The following DTNB variants were observed in gnomAD, a reference collection of about 807,000 sequenced individuals.
DTNB encodes dystrobrevin beta, also known as DTN-B.
Under a neutral mutation model 90.7 loss-of-function variants are expected in DTNB, and 63 were observed. The observed-to-expected ratio is 0.69, with a 90% CI of 0.57 to 0.86. DTNB has a LOEUF of 0.86. Ranked by LOEUF, DTNB falls within the 40% of genes least tolerant of loss-of-function variation. The probability of loss-of-function intolerance (pLI) is 0.00; values close to 1 mark genes in which losing one functional copy is unlikely to be tolerated. For synonymous variants in DTNB, 277 were observed against 286.7 expected (o/e 0.97, Z 0.34); for missense variants, 744 against 807.1 (o/e 0.92, Z 0.95).
chr2:25,519,367 CTT>C (rs1197635484), intron 9 of DTNB, among the ~76,000 whole-genome samples: 37 of 126,438 alleles, frequency 2.9e-4, no homozygotes, highest in Non-Finnish European at 3.4e-4. Flanking sequence ...CCTGTTTCTA[CTT>C]TTTTTTTTTT....
chr2:25,604,399 T>TCTC (rs1559199926), intron 5 of DTNB, among the ~76,000 whole-genome samples: 3 of 149,162 alleles, frequency 2.0e-5, no homozygotes, highest in South Asian at 4.3e-4. Flanking sequence ...TCTCCCTTCT[T>TCTC]TCTCTCTCTC....
At chr2:25,650,363 T>A (rs142365171) in intron 2 of DTNB, 54 of 486,136 alleles carry the variant, frequency 1.1e-4, no homozygotes, top group Non-Finnish European at 1.4e-4. Context: ...CCTCAATAAA[T>A]GCACTAAAAG....
intron 2 of DTNB, among the ~76,000 whole-genome samples, chr2:25,647,377 A>G (rs1156810864): frequency 3.3e-5 from 5 of 152,224 alleles, no homozygotes; most frequent in Non-Finnish European, 5.9e-5. Context: ...AAGGACAAAA[A>G]AGATTTTAAT....
At chr2:25,411,419 T>C (rs1032732781) in intron 16 of DTNB, among the ~76,000 whole-genome samples, 2 of 152,106 alleles carry the variant, frequency 1.3e-5, no homozygotes, top group African/African-American at 4.8e-5. Flanking sequence ...ATATTTCCTC[T>C]TTTTGGAAAA....
At chr2:25,448,715 G>A (rs1307620230) in intron 12 of DTNB, among the ~76,000 whole-genome samples, 2 of 151,928 alleles carry the variant, frequency 1.3e-5, no homozygotes. Context: ...TTAGCCGGGC[G>A]TGGTGGCGGG....
intron 8 of DTNB, among the ~76,000 whole-genome samples, chr2:25,556,212 CATGATACTCT>C (rs1330859414): frequency 7.1e-6 from 1 of 141,042 alleles, no homozygotes; most frequent in African/African-American, 2.7e-5. Context: ...ATAACGCTGC[CATGATACTCT>C]ATGATACTCT....
intron 2 of DTNB, chr2:25,649,972 T>G: frequency 1.0e-6 from 1 of 975,002 alleles, no homozygotes; most frequent in Non-Finnish European, 1.2e-6. Context: ...TAGTCACCCA[T>G]GCAATTCTTC....
intron 14 of DTNB, among the ~76,000 whole-genome samples, chr2:25,431,749 G>A (rs973466585): frequency 4.6e-5 from 7 of 151,958 alleles, no homozygotes; most frequent in East Asian, 3.9e-4. Flanking sequence ...TGCATCTTAC[G>A]CCAACAGCCT....
At chr2:25,548,177 CTTCT>C (rs1328684095) in intron 8 of DTNB, among the ~76,000 whole-genome samples, 1 of 151,982 alleles carries the variant, frequency 6.6e-6, no homozygotes, top group Non-Finnish European at 1.5e-5. Flanking sequence ...TTTATCAGTA[CTTCT>C]TTCAGTTTCA....
At chr2:25,521,934 G>A (rs553893205) in intron 9 of DTNB, among the ~76,000 whole-genome samples, 1 of 152,056 alleles carries the variant, frequency 6.6e-6, no homozygotes, top group South Asian at 2.1e-4. Context: ...GCCAACACGT[G>A]AAGTTTTGCT....
Position 25,387,426 on chromosome 2 carries a change from A to G in DTNB, c.1736-48T>C, listed in dbSNP as rs768355311. The G allele has an allele frequency of 2.5e-6, 4 of 1,571,994 alleles. No individual in the cohort carries two copies. In the African/African-American group the frequency reaches 5.4e-5, roughly 21 times the overall value. On this transcript the variant is annotated intron_variant, in intron 17 of 20. Transcript: ENST00000406818. This position sits in a 1 kb window ranked among gnomAD's most constrained non-coding sequence, Gnocchi z 4.5. ...GGGATGCCAGGGTGGGTGAGCGTGG[A>G]GAAGAGACGGCTGAGCAAATGCCTC... is the stretch of plus-strand genomic sequence containing the variant.
chr2:25,670,868 T>C (rs1340635032), intron 1 of DTNB, among the ~76,000 whole-genome samples: 1 of 152,204 alleles, frequency 6.6e-6, no homozygotes, highest in Non-Finnish European at 1.5e-5. Context: ...CCATTCTGAA[T>C]AGCGTGACGA....
intron 12 of DTNB, among the ~76,000 whole-genome samples, chr2:25,446,381 C>A (rs1323036540): frequency 6.6e-6 from 1 of 152,046 alleles, no homozygotes; most frequent in African/African-American, 2.4e-5. Flanking sequence ...TGACTACAGG[C>A]ACATGCCACC....
chr2:25,554,245 G>A (rs1460143715), intron 8 of DTNB, among the ~76,000 whole-genome samples: 1 of 152,142 alleles, frequency 6.6e-6, no homozygotes, highest in East Asian at 1.9e-4. Flanking sequence ...TGGAGACAGG[G>A]GGATGAGGTG....
chr2:25,542,137 C>T (rs928125800), intron 8 of DTNB, among the ~76,000 whole-genome samples: 1 of 152,074 alleles, frequency 6.6e-6, no homozygotes, highest in African/African-American at 2.4e-5. Context: ...TGTTTTGAGA[C>T]TGAGTCTCAC....
intron 20 of DTNB, among the ~76,000 whole-genome samples, chr2:25,378,725 C>T (rs957603790): frequency 2.0e-5 from 3 of 152,158 alleles, no homozygotes; most frequent in Non-Finnish European, 2.9e-5. Context: ...TGGAGCAGTC[C>T]GTACTTTTCT....
At chr2:25,430,004 T>C (rs2053328250) in intron 14 of DTNB, among the ~76,000 whole-genome samples, 1 of 152,154 alleles carries the variant, frequency 6.6e-6, no homozygotes, top group African/African-American at 2.4e-5. Flanking sequence ...ATCCAAATCA[T>C]TATCTACTTT....
intron 2 of DTNB, 62 bp downstream of exon 2, chr2:25,652,532 T>TA (rs137982132): frequency 0.15 from 187,265 of 1,243,230 alleles, 1,274 homozygotes; most frequent in East Asian, 0.2. Context: ...TGACTTGATC[T>TA]AAAAAAAAAA....
chr2:25,507,369 A>G (rs1332644409), intron 9 of DTNB, among the ~76,000 whole-genome samples: 1 of 152,134 alleles, frequency 6.6e-6, no homozygotes, highest in Admixed American at 6.5e-5. Context: ...CCAGACATAC[A>G]AACTCCCTAT....
Sources: allele counts gnomAD v4.1 joint callset (sites outside exome capture counted in the v4.1 genomes callset), GRCh38; gene constraint gnomAD v4.1.1; non-coding constraint Gnocchi (gnomAD v3.1); transcripts MANE v1.5; gene names NCBI Gene and HGNC (gene_info 2026-07-23, HGNC 2026-07-21).